GMDS: variants seen among roughly 807,000 people sequenced by gnomAD.
GMDS encodes GDP-mannose 4,6 dehydratase.
In GMDS, 20 loss-of-function variants were observed where a neutral mutation model predicts 49.9. That is an observed-to-expected ratio of 0.40 (90% CI 0.28 to 0.58). The LOEUF (loss-of-function observed/expected upper bound fraction) is 0.58. Among genes scored for constraint, GMDS ranks in the 20% least tolerant of loss-of-function variants. The pLI is 0.42. For synonymous variants in GMDS, 177 were observed against 178.6 expected (o/e 0.99, Z 0.07); for missense variants, 362 against 481.4 (o/e 0.75, Z 2.32).
At chr6:2,240,742 T>C (rs1781578193) in intron 1 of GMDS, among the ~76,000 whole-genome samples, 1 of 152,184 alleles carries the variant, frequency 6.6e-6, no homozygotes, top group South Asian at 2.1e-4. Flanking sequence ...ACTTGTTAAT[T>C]ATTTTAATCT....
At chr6:1,719,184 C>G (rs886625487) in intron 9 of GMDS, among the ~76,000 whole-genome samples, 1 of 152,118 alleles carries the variant, frequency 6.6e-6, no homozygotes, top group South Asian at 2.1e-4. Context: ...GACGGAAGCC[C>G]GTCAGTGGTG....
At chr6:2,110,949 A>T (rs776900306) in intron 4 of GMDS, among the ~76,000 whole-genome samples, 3 of 152,234 alleles carry the variant, frequency 2.0e-5, no homozygotes, top group Non-Finnish European at 2.9e-5. Context: ...CTAAAGACAC[A>T]TTCCACAATG....
At chr6:1,629,729 G>C (rs1762942482) in intron 9 of GMDS, among the ~76,000 whole-genome samples, 1 of 152,118 alleles carries the variant, frequency 6.6e-6, no homozygotes, top group African/African-American at 2.4e-5. Flanking sequence ...CCTCCTGCAT[G>C]GTGCCTAATG....
chr6:1,909,306 C>T (rs7774932), intron 7 of GMDS, among the ~76,000 whole-genome samples: 3,552 of 152,230 alleles, frequency 0.023, 129 homozygotes, highest in African/African-American at 0.082. Context: ...TCAAAATTCC[C>T]ACTTGACAAT....
chr6:1,949,116 G>C (rs1421590049), intron 6 of GMDS: 1 of 509,000 alleles, frequency 2.0e-6, no homozygotes, highest in Non-Finnish European at 2.5e-6. Context: ...GAAAATACAG[G>C]AACAGGGAAG....
At chr6:1,654,040 C>T (rs574428042) in intron 9 of GMDS, among the ~76,000 whole-genome samples, 1 of 152,194 alleles carries the variant, frequency 6.6e-6, no homozygotes, top group South Asian at 2.1e-4. Context: ...AAATGCAAGT[C>T]AAAACCACCA....
At chr6:1,990,644 G>A (rs766241516) in intron 4 of GMDS, among the ~76,000 whole-genome samples, 29 of 152,118 alleles carry the variant, frequency 1.9e-4, no homozygotes, top group Admixed American at 5.9e-4. Flanking sequence ...ACACAACCTC[G>A]GCTCATTCTA....
At chr6:1,993,407 T>C (rs1382257475) in intron 4 of GMDS, among the ~76,000 whole-genome samples, 2 of 152,198 alleles carry the variant, frequency 1.3e-5, no homozygotes, top group Non-Finnish European at 1.5e-5. Flanking sequence ...ACTTGTGGAC[T>C]CCTGAGAGCA....
intron 9 of GMDS, among the ~76,000 whole-genome samples, chr6:1,663,165 G>GT (rs1764133461): frequency 1.3e-5 from 2 of 152,136 alleles, no homozygotes; most frequent in African/African-American, 4.8e-5. Flanking sequence ...AGTGTCTTAT[G>GT]GCTTTTCTAG....
chr6:1,876,232 T>G (rs1759051650), intron 7 of GMDS, among the ~76,000 whole-genome samples: 1 of 150,500 alleles, frequency 6.6e-6, no homozygotes, highest in Non-Finnish European at 1.5e-5. Flanking sequence ...CACTCCAACC[T>G]GGGCAACAAG....
chr6:1,691,544 G>C (rs1384479361), intron 9 of GMDS, among the ~76,000 whole-genome samples: 1 of 152,114 alleles, frequency 6.6e-6, no homozygotes, highest in Admixed American at 6.6e-5. Flanking sequence ...AGTGATCTTA[G>C]AAGTCTACTA....
At chr6:1,954,892 A>C (rs893346344) in intron 6 of GMDS, among the ~76,000 whole-genome samples, 12 of 152,156 alleles carry the variant, frequency 7.9e-5, no homozygotes, top group African/African-American at 2.7e-4. Flanking sequence ...GAGCAGCCAG[A>C]ACACACACAA....
chr6:2,092,964 A>T (rs1222895821), intron 4 of GMDS, among the ~76,000 whole-genome samples: 2 of 152,244 alleles, frequency 1.3e-5, no homozygotes, highest in Non-Finnish European at 2.9e-5. Flanking sequence ...ATGTGTATTC[A>T]GCCAGTAGTT....
At chr6:1,782,602 C>A (rs1272202650) in intron 7 of GMDS, among the ~76,000 whole-genome samples, 1 of 152,210 alleles carries the variant, frequency 6.6e-6, no homozygotes, top group Non-Finnish European at 1.5e-5. Flanking sequence ...TTTGGATAGA[C>A]ATGCCTCATG....
chr6:2,016,552 G>C (rs903358656), intron 4 of GMDS, among the ~76,000 whole-genome samples: 1 of 152,100 alleles, frequency 6.6e-6, no homozygotes, highest in South Asian at 2.1e-4. Flanking sequence ...CTAGAGAACA[G>C]GAAATCGAGA....
chr6:1,943,333 T>A (rs887213787), intron 6 of GMDS, among the ~76,000 whole-genome samples: 1 of 152,200 alleles, frequency 6.6e-6, no homozygotes, highest in African/African-American at 2.4e-5. Context: ...TGCTCCTCCA[T>A]CACCCTTGCA....
intron 9 of GMDS, among the ~76,000 whole-genome samples, chr6:1,710,713 G>A (rs917488286): frequency 6.6e-6 from 1 of 152,116 alleles, no homozygotes; most frequent in African/African-American, 2.4e-5. Context: ...AACTTCAATC[G>A]GTAAATGATC....
At chr6:1,722,913 A>T (rs1378833579) in intron 9 of GMDS, among the ~76,000 whole-genome samples, 1 of 152,202 alleles carries the variant, frequency 6.6e-6, no homozygotes, top group African/African-American at 2.4e-5. Flanking sequence ...GAGTGATGGA[A>T]AATTTAAAGT....
At chr6:1,928,315 A>G (rs1313995306) in intron 7 of GMDS, among the ~76,000 whole-genome samples, 1 of 151,950 alleles carries the variant, frequency 6.6e-6, no homozygotes, top group African/African-American at 2.4e-5. Context: ...CAGTGAGCCA[A>G]GATTGTGCCA....
Sources: gnomAD v4.1 joint callset for allele counts (sites outside exome capture counted in the v4.1 genomes callset) on GRCh38, gnomAD v4.1.1 for gene constraint, MANE v1.5 for transcripts, NCBI Gene and HGNC (gene_info 2026-07-23, HGNC 2026-07-21) for gene names.